The following PCLO variants were observed in gnomAD, a reference collection of about 807,000 sequenced individuals.
PCLO encodes the protein piccolo presynaptic cytomatrix protein.
PCLO carries 82 observed loss-of-function variants against 427.5 expected under a neutral mutation model. The observed-to-expected ratio is 0.19, with a 90% confidence interval of 0.16 to 0.23. The LOEUF (loss-of-function observed/expected upper bound fraction) is 0.23. PCLO is among the 10% of genes least tolerant of loss of function. The pLI, the probability that PCLO is intolerant of heterozygous loss-of-function variation, is 1.00. For missense variants in PCLO, 6,239 were observed against 6,115.9 expected, an observed-to-expected ratio of 1.02 and a Z score of -0.67; for synonymous variants, 2,357 against 2,155.4, an observed-to-expected ratio of 1.09 and a Z score of -2.59.
intron 3 of PCLO, among the ~76,000 whole-genome samples, chr7:83,133,831 G>A (rs1389204287): frequency 1.3e-5 from 2 of 151,954 alleles, no homozygotes; most frequent in Admixed American, 6.6e-5. Flanking sequence ...TACAGAGACT[G>A]GAAGGATTAG....
chr7:82,952,879 T>C lies in PCLO; in HGVS notation c.8074A>G (p.Ser2692Gly). 2 of 1,613,944 alleles carry C rather than the reference T, an allele frequency of 1.2e-6. No homozygotes were observed. The highest frequency in any genetic ancestry group is 1.1e-5 in the South Asian group (1 of 91,078). The change falls in exon 5 of 25, where the codon AGC becomes GGC. Residue 2692 changes from serine to glycine, a missense_variant. This residue lies in a region of PCLO where 4,677 missense variants were observed against 4,468.4 expected (regional missense o/e 1.05). Coordinates refer to ENST00000333891, the MANE Select transcript of PCLO (RefSeq NM_033026.6). ...TRSTAPSVGLSSISITIPPEP... is the reference protein window; with the variant it reads ...TRSTAPSVGLGSISITIPPEP... ...GGAGGAATTGTTATGGAAATGCTGC[T>C]GAGACCAACACTAGGAGCTGTACTT...
At chr7:83,140,319 C>G (rs993445058) in intron 2 of PCLO, among the ~76,000 whole-genome samples, 2 of 152,126 alleles carry the variant, frequency 1.3e-5, no homozygotes, top group Admixed American at 6.6e-5. Flanking sequence ...TTTAATACAA[C>G]CACTCCCCTT....
intron 3 of PCLO, among the ~76,000 whole-genome samples, chr7:82,979,554 T>TA (rs1405659789): frequency 6.6e-6 from 1 of 152,212 alleles, no homozygotes; most frequent in African/African-American, 2.4e-5. Context: ...ATGTGTATTA[T>TA]ACATTCTAAA....
chr7:83,122,882 C>A (rs1022767454), intron 3 of PCLO, among the ~76,000 whole-genome samples: 1 of 151,950 alleles, frequency 6.6e-6, no homozygotes, highest in Non-Finnish European at 1.5e-5. Context: ...ACTTTTTTTA[C>A]AATTGCTACA....
At chr7:82,894,221 A>G (rs1793846036) in intron 9 of PCLO, among the ~76,000 whole-genome samples, 1 of 152,078 alleles carries the variant, frequency 6.6e-6, no homozygotes, top group African/African-American at 2.4e-5. Flanking sequence ...AAAAATAACC[A>G]ACCATTTCAG....
chr7:82,836,247 T>C (rs566283375), intron 15 of PCLO, among the ~76,000 whole-genome samples: 1 of 152,306 alleles, frequency 6.6e-6, no homozygotes, highest in African/African-American at 2.4e-5. Flanking sequence ...GAATATAGAA[T>C]ATAAACAACA....
At chr7:82,974,985 G>T (rs886649860) in intron 3 of PCLO, among the ~76,000 whole-genome samples, 21 of 151,966 alleles carry the variant, frequency 1.4e-4, no homozygotes, top group Non-Finnish European at 2.6e-4. Context: ...CACCGTATTA[G>T]CCAGGATTGT....
At chr7:82,951,572 A>G in intron 5 of PCLO, 82 bp from the exon 6 acceptor site, 1 of 994,842 alleles carries the variant, frequency 1.0e-6, no homozygotes, top group South Asian at 1.7e-5. Context: ...ATCTTGATGA[A>G]CATAATGAAT....
chr7:83,037,600 C>T (rs1452404778), intron 3 of PCLO, among the ~76,000 whole-genome samples: 2 of 151,524 alleles, frequency 1.3e-5, no homozygotes, highest in Non-Finnish European at 3.0e-5. Context: ...AGATAATAAC[C>T]TTACTCATAC....
Position 82,846,551 on chromosome 7 carries a change from G to A in PCLO, c.13831+16C>T, listed in dbSNP as rs769199037. 6.4e-7 allele frequency: 1 copy of A among 1,556,264 alleles called. No homozygotes were observed. Among genetic ancestry groups the A allele is most frequent in the Non-Finnish European group, 8.8e-7 (1 of 1,133,092 alleles). ...ATCTCTTTATTTACAGTTGAAACTA[G>A]ATTTCTTTTACCTACCAGCTTTTGG... On this transcript the variant is annotated intron_variant, in intron 12 of 24. Transcript: ENST00000333891.
At chr7:82,836,265 AT>A (rs1338847235) in intron 15 of PCLO, among the ~76,000 whole-genome samples, 1 of 152,126 alleles carries the variant, frequency 6.6e-6, no homozygotes, top group Non-Finnish European at 1.5e-5. Context: ...ACAATGCTTT[AT>A]TTTCATTCTT....
chr7:82,984,864 T>G (rs2115800227), intron 3 of PCLO, among the ~76,000 whole-genome samples: 1 of 152,138 alleles, frequency 6.6e-6, no homozygotes. Context: ...ACACTGATTA[T>G]ATTTTGATTT....
intron 16 of PCLO, 114 bp from the exon 17 acceptor site, chr7:82,828,080 T>C: frequency 1.5e-6 from 1 of 662,280 alleles, no homozygotes; most frequent in Non-Finnish European, 2.7e-6. Context: ...AATCACTATA[T>C]AATTATCTCA....
chr7:82,824,382 T>C lies in PCLO; in HGVS notation c.14450A>G (p.Asp4817Gly), dbSNP rs768466540. 4.3e-6 allele frequency: 7 copies of C among 1,611,906 alleles called. No individual in the cohort carries two copies. Among genetic ancestry groups the C allele is most frequent in the Non-Finnish European group, 5.1e-6 (6 of 1,178,782 alleles). Residue 4817 changes from aspartate (D) to glycine (G), a missense_variant, in exon 19 of 25, where the codon GAT becomes GGT. Asp to Gly is a moderately conservative substitution (Grantham distance 94). Around this residue, in one of 5 missense-constraint regions of PCLO, gnomAD observed 877 missense variants for 925.5 expected, o/e 0.95. Coordinates refer to ENST00000333891, the MANE Select transcript of PCLO (RefSeq NM_033026.6). ...GAGAGGATACCACCTTGGAGTGTTA[T>C]CGAGGTGAGATGTGCTAGATAAATC... The part of the protein sequence containing the change: ...LIDLSSTSHL[D>G]NTPRWYPLKE...
chr7:82,800,928 T>A (rs982386300), intron 22 of PCLO, among the ~76,000 whole-genome samples: 15 of 152,022 alleles, frequency 9.9e-5, no homozygotes, highest in Non-Finnish European at 2.9e-5. Context: ...GGTAAGCTTG[T>A]CATCGTAAAG....
At chr7:83,143,443 G>A (rs1315155618) in intron 2 of PCLO, among the ~76,000 whole-genome samples, 1 of 152,020 alleles carries the variant, frequency 6.6e-6, no homozygotes, top group East Asian at 1.9e-4. Flanking sequence ...AAATTGAATG[G>A]ACATCTCCTC....
intron 9 of PCLO, 37 bp from the exon 10 acceptor site, chr7:82,879,499 T>C: frequency 2.0e-6 from 3 of 1,468,652 alleles, no homozygotes; most frequent in Non-Finnish European, 2.8e-6. Flanking sequence ...AGTACTAATT[T>C]AAGAAGGGAC....
chr7:82,842,443 G>A (rs1342969631), intron 13 of PCLO, among the ~76,000 whole-genome samples: 1 of 152,042 alleles, frequency 6.6e-6, no homozygotes, highest in Non-Finnish European at 1.5e-5. Flanking sequence ...AATTATTAGA[G>A]AGAAACATAA....
intron 22 of PCLO, among the ~76,000 whole-genome samples, chr7:82,771,094 G>T (rs989296656): frequency 4.0e-5 from 6 of 151,702 alleles, no homozygotes; most frequent in Admixed American, 3.9e-4. Context: ...TCTATAGTAG[G>T]TTAGATTTTA....
Sources: allele counts gnomAD v4.1 joint callset (sites outside exome capture counted in the v4.1 genomes callset), GRCh38; gene constraint gnomAD v4.1.1; regional missense constraint gnomAD v4.1.1; transcripts MANE v1.5; gene names NCBI Gene and HGNC (gene_info 2026-07-23, HGNC 2026-07-21).